ABCC9: variants seen among roughly 807,000 people sequenced by gnomAD.
ABCC9 encodes ATP-binding cassette sub-family C member 9.
A neutral mutation model predicts 188.3 loss-of-function variants in ABCC9; 95 were observed. The ratio of observed to expected loss-of-function variants is 0.50; its 90% CI spans 0.43 to 0.60. The LOEUF is 0.60. Ranked by LOEUF, ABCC9 falls within the 20% of genes least tolerant of loss-of-function variation. The pLI, the probability that ABCC9 is intolerant of heterozygous loss-of-function variation, is 0.00. For missense variants in ABCC9, 1,102 were observed against 1,876.3 expected (o/e 0.59, Z 7.62); for synonymous variants, 659 against 652.7 (o/e 1.01, Z -0.15).
In ABCC9 at chr12:21,853,562, A is replaced by G. The variant is rs145487025; in HGVS notation, c.2506-1057T>C. 1.5e-3 allele frequency among the ~76,000 whole-genome samples: 229 copies of G among 152,306 alleles called. 1 individual carries two copies. In the South Asian group the frequency reaches 0.021, roughly 14 times the overall value. ...TATCCACCAAGTGATTAAGATATTT[A>G]GAAAATAATTTAAGAACTCACATTA... On this transcript the variant is annotated intron_variant, in intron 22 of 39. Coordinates refer to ENST00000261200, the MANE Select transcript of ABCC9 (RefSeq NM_020297.4).
At chr12:21,921,788 A>G (rs1948828924) in intron 5 of ABCC9, among the ~76,000 whole-genome samples, 1 of 152,036 alleles carries the variant, frequency 6.6e-6, no homozygotes, top group South Asian at 2.1e-4. Flanking sequence ...TCTTCTGCAT[A>G]TGGATATCCA....
intron 39 of ABCC9, 88 bp downstream of exon 39, chr12:21,805,910 C>T (rs1271383003): frequency 1.2e-5 from 14 of 1,208,594 alleles, no homozygotes; most frequent in African/African-American, 6.0e-5. Flanking sequence ...CATAATTCAA[C>T]ACAAGTATAT....
intron 12 of ABCC9, among the ~76,000 whole-genome samples, chr12:21,900,414 C>T (rs1464706891): frequency 1.3e-5 from 2 of 152,152 alleles, no homozygotes; most frequent in Non-Finnish European, 2.9e-5. Context: ...TCTCCCCCTC[C>T]AAAAGAACGC....
Position 21,862,969 on chromosome 12 carries a change from G to A in ABCC9, c.2323C>T (p.Pro775Ser). ...TVEENITFGS[P>S]FNKQRYKAVT... is the part of the protein sequence containing the mutation. Reference sequence around the variant, plus strand: ...CAAAATTACCTCTGTTTGTTAAAAGGACTTCCAAAAGTAATATTTTCTTCT... The same window carrying A: ...CAAAATTACCTCTGTTTGTTAAAAGAACTTCCAAAAGTAATATTTTCTTCT... Residue 775 changes from proline to serine, a missense_variant, in exon 20 of 40, where the codon CCT becomes TCT. Pro to Ser is a moderately conservative substitution (Grantham distance 74). This residue lies in a region of ABCC9 where 258 missense variants were observed against 325.6 expected (regional missense o/e 0.79). Transcript: ENST00000261200. The A allele has an allele frequency of 6.2e-7, 1 of 1,608,330 alleles. No individual in the cohort carries two copies. Among genetic ancestry groups the A allele is most frequent in the African/African-American group, 1.3e-5 (1 of 74,782 alleles).
At chr12:21,913,899 A>C (rs1018646926) in intron 7 of ABCC9, among the ~76,000 whole-genome samples, 2 of 152,160 alleles carry the variant, frequency 1.3e-5, no homozygotes, top group Non-Finnish European at 2.9e-5. Flanking sequence ...TTTGTTTTCC[A>C]AAGTTTATGT....
intron 31 of ABCC9, among the ~76,000 whole-genome samples, chr12:21,827,933 C>G (rs1328660381): frequency 2.6e-5 from 4 of 152,206 alleles, no homozygotes; most frequent in Admixed American, 6.5e-5. Context: ...CTGTATCCAT[C>G]AATCAACTAC....
rs939861051 is a variant in ABCC9 at position 21,894,459 on chromosome 12, G to T, written c.1660-285C>A. Among the ~76,000 whole-genome samples, 14 of 152,230 alleles carry T rather than the reference G, an allele frequency of 9.2e-5. No individual in the cohort carries two copies. In the East Asian group the frequency reaches 2.7e-3, roughly 29 times the overall value. ...AGATTGCTAAGTAGGGGGAATAAAGGGATGGAGAACCCAGAGTTTTCAACA... is the reference window on the plus strand; with the variant it reads ...AGATTGCTAAGTAGGGGGAATAAAGTGATGGAGAACCCAGAGTTTTCAACA... On this transcript the variant is annotated intron_variant, in intron 13 of 39. Transcript: ENST00000261200.
At chr12:21,923,591 A>G (rs1178912966) in intron 5 of ABCC9, 1 of 508,644 alleles carries the variant, frequency 2.0e-6, no homozygotes, top group African/African-American at 1.9e-5. Context: ...TTACCAGTAC[A>G]CACCCACTAG....
chr12:21,802,067 T>C (rs559735736), intron 39 of ABCC9, among the ~76,000 whole-genome samples: 19 of 152,372 alleles, frequency 1.2e-4, no homozygotes, highest in Middle Eastern at 3.4e-3. Flanking sequence ...GTCAGTGTTA[T>C]GGTTAAGAGA....
intron 31 of ABCC9, among the ~76,000 whole-genome samples, chr12:21,822,857 C>T (rs1943139098): frequency 6.8e-6 from 1 of 147,168 alleles, no homozygotes; most frequent in South Asian, 2.2e-4. Context: ...TTAAACTTAA[C>T]AAGTTTAATG....
chr12:21,888,339 G>C (rs1366981155), intron 14 of ABCC9, among the ~76,000 whole-genome samples: 2 of 152,080 alleles, frequency 1.3e-5, no homozygotes, highest in African/African-American at 4.8e-5. Flanking sequence ...AAATGATGGG[G>C]AGGTGACGTA....
rs754952366 is a variant in ABCC9, at chr12:21,828,953, C to T, written c.3669+5G>A. 7 of 1,611,056 alleles carry T rather than the reference C, an allele frequency of 4.3e-6. No homozygotes were observed. The highest frequency in any genetic ancestry group is 2.2e-5 in the East Asian group (1 of 44,850). ...TTCCATTTCGAAATCATGAAATGAA[C>T]GTACCGTCCTGACCTCCAGCCATCT... On this transcript the variant is annotated splice_donor_5th_base_variant and intron_variant, in intron 31 of 39. Coordinates refer to ENST00000261200, the MANE Select transcript of ABCC9 (RefSeq NM_020297.4).
intron 10 of ABCC9, among the ~76,000 whole-genome samples, 165 bp downstream of exon 10, chr12:21,909,992 T>A (rs1948242246): frequency 6.6e-6 from 1 of 151,926 alleles, no homozygotes; most frequent in Non-Finnish European, 1.5e-5. Context: ...TTCTCTTGCT[T>A]AACCTATGCT....
chr12:21,903,601 T>C (rs1947880407), intron 12 of ABCC9, among the ~76,000 whole-genome samples: 1 of 152,206 alleles, frequency 6.6e-6, no homozygotes, highest in African/African-American at 2.4e-5. Context: ...ACAAAATCAA[T>C]GTGCAAAAAT....
chr12:21,902,588 G>A (rs549696568), intron 12 of ABCC9, among the ~76,000 whole-genome samples: 2 of 151,908 alleles, frequency 1.3e-5, no homozygotes, highest in Admixed American at 6.6e-5. Flanking sequence ...TCAAATAGAC[G>A]CAAAAATAAT....
intron 4 of ABCC9, among the ~76,000 whole-genome samples, chr12:21,927,804 C>G (rs567937421): frequency 1.3e-5 from 2 of 152,010 alleles, no homozygotes; most frequent in African/African-American, 4.8e-5. Context: ...AGTATGGTAG[C>G]GCTTAAAAAC....
intron 29 of ABCC9, among the ~76,000 whole-genome samples, chr12:21,841,490 C>G (rs895855992): frequency 6.6e-6 from 1 of 151,284 alleles, no homozygotes; most frequent in African/African-American, 2.4e-5. Context: ...TCCTGAGTAG[C>G]TGGGATTACA....
intron 25 of ABCC9, among the ~76,000 whole-genome samples, chr12:21,847,516 G>A (rs1413063198): frequency 2.0e-5 from 3 of 152,074 alleles, no homozygotes; most frequent in Non-Finnish European, 4.4e-5. Flanking sequence ...AATGGGAAAT[G>A]AGGCATAAAG....
At chr12:21,815,741 A>G (rs1565692309) in intron 34 of ABCC9, 22 bp downstream of exon 34, 12 of 1,611,160 alleles carry the variant, frequency 7.4e-6, no homozygotes, top group Non-Finnish European at 9.3e-6. Context: ...TATACAACAT[A>G]TCAAATGCAG....
Sources: allele counts gnomAD v4.1 joint callset (sites outside exome capture counted in the v4.1 genomes callset), GRCh38; gene constraint gnomAD v4.1.1; regional missense constraint gnomAD v4.1.1; transcripts MANE v1.5; gene names NCBI Gene and HGNC (gene_info 2026-07-23, HGNC 2026-07-21).